TOMM70: variants seen among roughly 807,000 people sequenced by gnomAD.
TOMM70 encodes the protein mitochondrial import receptor subunit TOM70.
A neutral mutation model predicts 73.6 loss-of-function variants in TOMM70; 13 were observed. The ratio of observed to expected loss-of-function variants is 0.18; its 90% CI spans 0.11 to 0.28. The LOEUF is 0.28. TOMM70 is among the 10% of genes least tolerant of loss of function. The pLI is 1.00. For missense variants in TOMM70, 609 were observed against 747.5 expected, an observed-to-expected ratio of 0.81 and a Z score of 2.16; for synonymous variants, 257 against 271.2, an observed-to-expected ratio of 0.95 and a Z score of 0.51.
At chr3:100,390,207 T>C (rs939995904) in intron 1 of TOMM70, among the ~76,000 whole-genome samples, 1 of 152,220 alleles carries the variant, frequency 6.6e-6, no homozygotes, top group African/African-American at 2.4e-5. Flanking sequence ...GATATGATTC[T>C]ACTATACAAT....
chr3:100,380,430 T>C (rs1046509663), intron 5 of TOMM70, among the ~76,000 whole-genome samples: 5 of 152,188 alleles, frequency 3.3e-5, no homozygotes, highest in Admixed American at 2.0e-4. Flanking sequence ...AAGTGCTAGT[T>C]ATTTATAAGC....
intron 6 of TOMM70, 23 bp from the exon 7 acceptor site, chr3:100,375,175 G>T (rs749437085): frequency 1.3e-6 from 2 of 1,517,166 alleles, no homozygotes; most frequent in Non-Finnish European, 8.9e-7. Flanking sequence ...AGTGAGGAAA[G>T]GTTCATCATT....
chr3:100,365,798 A>C, intron 11 of TOMM70, 81 bp from the exon 12 acceptor site: 1 of 1,487,246 alleles, frequency 6.7e-7, no homozygotes, highest in Admixed American at 1.8e-5. Context: ...ATGGTACATG[A>C]AGTCTGACCA....
In TOMM70 at chr3:100,386,983, A is replaced by C; in HGVS notation, c.325-5T>G. 6.2e-7 allele frequency: 1 copy of C among 1,611,730 alleles called. No homozygotes were observed. Among genetic ancestry groups the C allele is most frequent in the Non-Finnish European group, 8.5e-7 (1 of 1,179,304 alleles). On this transcript the variant is annotated splice_polypyrimidine_tract_variant and splice_region_variant and intron_variant, in intron 1 of 11. Transcript: ENST00000284320. ...TTGGGCTCTATCAAGAGAGTTCTGA[A>C]ATGAGAGGAAACAATTATCAAACAC...
intron 1 of TOMM70, among the ~76,000 whole-genome samples, chr3:100,396,408 T>C (rs948578805): frequency 2.6e-5 from 4 of 152,236 alleles, no homozygotes; most frequent in Admixed American, 2.6e-4. Flanking sequence ...ACAAGAATGA[T>C]GCATTTTTTA....
intron 9 of TOMM70, 139 bp downstream of exon 9, chr3:100,372,466 AG>A: frequency 1.5e-6 from 1 of 645,360 alleles, no homozygotes; most frequent in Non-Finnish European, 2.7e-6. Flanking sequence ...GGGACCAACC[AG>A]GGGCCATGAG....
intron 4 of TOMM70, among the ~76,000 whole-genome samples, chr3:100,383,607 A>C (rs1204174077): frequency 6.6e-6 from 1 of 152,124 alleles, no homozygotes; most frequent in African/African-American, 2.4e-5. Flanking sequence ...AACACACCTT[A>C]GTAGATTATT....
intron 5 of TOMM70, among the ~76,000 whole-genome samples, chr3:100,380,738 A>C (rs574868534): frequency 6.6e-6 from 1 of 152,218 alleles, no homozygotes; most frequent in Non-Finnish European, 1.5e-5. Context: ...CCCAACTACA[A>C]TCTTCTCAAA....
chr3:100,399,788 G>T (rs781062754), intron 1 of TOMM70, among the ~76,000 whole-genome samples: 1 of 151,166 alleles, frequency 6.6e-6, no homozygotes, highest in Non-Finnish European at 1.5e-5. Flanking sequence ...TGGGGCAGGG[G>T]GCTGTGTGCA....
At chr3:100,377,510 T>A (rs1406855832) in intron 6 of TOMM70, 195 bp downstream of exon 6, 1 of 584,434 alleles carries the variant, frequency 1.7e-6, no homozygotes, top group African/African-American at 1.9e-5. Context: ...CTTTCCTAAA[T>A]AAAGATAAAT....
chr3:100,378,072 C>T (rs989225433), intron 5 of TOMM70, among the ~76,000 whole-genome samples, 160 bp from the exon 6 acceptor site: 3 of 151,972 alleles, frequency 2.0e-5, no homozygotes, highest in Admixed American at 6.6e-5. Flanking sequence ...TGGTGAAACC[C>T]GTCTCTACTA....
intron 5 of TOMM70, among the ~76,000 whole-genome samples, chr3:100,380,135 C>T (rs937192181): frequency 2.6e-5 from 4 of 151,954 alleles, no homozygotes; most frequent in Admixed American, 1.3e-4. Flanking sequence ...CACCTGAGGT[C>T]GGGAGTTCGA....
At position 100,372,473 on chromosome 3, in the gene TOMM70, A is replaced by C. The variant is rs536683301; in HGVS notation, c.1452+133T>G. 14 of 678,764 alleles carry C rather than the reference A, an allele frequency of 2.1e-5. No homozygotes were observed. In the Admixed American group the frequency reaches 3.3e-4, roughly 16 times the overall value. The allele number at this position is 678,764 out of a possible 1,614,324, so 42.0% of individuals were successfully genotyped here. On this transcript the variant is annotated intron_variant, in intron 9 of 11. Coordinates refer to ENST00000284320, the MANE Select transcript of TOMM70 (RefSeq NM_014820.5). ...GGTGATTCGGGACCAACCAGGGGCC[A>C]TGAGAATCAATCAGGAACAAAGCCA...
rs375140696 is a variant in TOMM70 at position 100,365,735 on chromosome 3, T to C, written c.1674-18A>G. 9.3e-6 allele frequency: 15 copies of C among 1,613,200 alleles called. No individual in the cohort carries two copies. The highest frequency in any genetic ancestry group is 1.3e-5 in the Non-Finnish European group (15 of 1,179,444). ...TGTTTCCTCTAAAAGAACAAAATTT[T>C]TAAGTCTCAGATTCAACAAGCACTT... On this transcript the variant is annotated intron_variant, in intron 11 of 11. Coordinates refer to ENST00000284320, the MANE Select transcript of TOMM70 (RefSeq NM_014820.5).
At chr3:100,384,914 C>T (rs966357644) in intron 3 of TOMM70, among the ~76,000 whole-genome samples, 4 of 152,170 alleles carry the variant, frequency 2.6e-5, no homozygotes, top group African/African-American at 9.7e-5. Context: ...CATAGTGTGG[C>T]TCTCTCATGT....
intron 1 of TOMM70, among the ~76,000 whole-genome samples, chr3:100,389,310 C>G (rs1401880056): frequency 6.6e-6 from 1 of 152,090 alleles, no homozygotes; most frequent in Non-Finnish European, 1.5e-5. Flanking sequence ...GTACAGCTTC[C>G]TTACCACTAA....
At chr3:100,379,442 G>C (rs1706605090) in intron 5 of TOMM70, among the ~76,000 whole-genome samples, 1 of 151,942 alleles carries the variant, frequency 6.6e-6, no homozygotes, top group African/African-American at 2.4e-5. Flanking sequence ...GGGGAAACAT[G>C]GCAAGACCCT....
chr3:100,381,757 C>T lies in TOMM70; in HGVS notation c.742G>A (p.Glu248Lys), dbSNP rs770953215. Residue 248 changes from glutamate (E) to lysine (K), a missense_variant, in exon 5 of 12, where the codon GAA becomes AAA. Glu to Lys is a moderately conservative substitution (Grantham distance 56). This residue lies in a region of TOMM70 where 432 missense variants were observed against 584.1 expected (regional missense o/e 0.74). Coordinates refer to ENST00000284320, the MANE Select transcript of TOMM70 (RefSeq NM_014820.5). Reference protein sequence around the residue: ...EKAKEKYKNREPLMPSPQFIK... With the variant: ...EKAKEKYKNRKPLMPSPQFIK... The stretch of plus-strand genomic sequence containing the variant: ...AACTGTGGAGATGGCATCAGAGGTT[C>T]ACGATTCTGAAATTTAGTCATGTTT... 9 of 1,594,998 alleles carry T rather than the reference C, an allele frequency of 5.6e-6. No individual in the cohort carries two copies. Among genetic ancestry groups the T allele is most frequent in the Non-Finnish European group, 7.7e-6 (9 of 1,169,088 alleles).
chr3:100,387,078 G>A, intron 1 of TOMM70, 100 bp from the exon 2 acceptor site: 1 of 1,241,698 alleles, frequency 8.1e-7, no homozygotes, highest in African/African-American at 1.5e-5. Context: ...AGACAGAATG[G>A]CTGTTTACAA....
Sources: allele counts gnomAD v4.1 joint callset (sites outside exome capture counted in the v4.1 genomes callset), GRCh38; gene constraint gnomAD v4.1.1; regional missense constraint gnomAD v4.1.1; transcripts MANE v1.5; gene names NCBI Gene and HGNC (gene_info 2026-07-23, HGNC 2026-07-21).